Variants in GPR107 observed in about 807,000 individuals in gnomAD.
GPR107 encodes the protein G protein-coupled receptor 107.
A neutral mutation model predicts 75.5 loss-of-function variants in GPR107; 31 were observed. The observed-to-expected ratio is 0.41, with a 90% CI of 0.31 to 0.55. The LOEUF (loss-of-function observed/expected upper bound fraction) is 0.55, where lower values mean the gene tolerates loss of function less well. Ranked by LOEUF, GPR107 falls within the 20% of genes least tolerant of loss-of-function variation. The probability of loss-of-function intolerance (pLI) is 0.26; values close to 1 mark genes in which losing one functional copy is unlikely to be tolerated. For synonymous variants in GPR107, 267 were observed against 251.3 expected, an observed-to-expected ratio of 1.06 and a Z score of -0.59; for missense variants, 572 against 665.7, an observed-to-expected ratio of 0.86 and a Z score of 1.55.
intron 1 of GPR107, among the ~76,000 whole-genome samples, chr9:130,062,857 A>G (rs146931302): frequency 7.2e-5 from 11 of 152,080 alleles, no homozygotes; most frequent in African/African-American, 2.4e-4. Context: ...CCTAGTAGCT[A>G]GTACTACAGG....
At chr9:130,090,266 T>C (rs1326416516) in intron 7 of GPR107, among the ~76,000 whole-genome samples, 1 of 152,222 alleles carries the variant, frequency 6.6e-6, no homozygotes, top group Non-Finnish European at 1.5e-5. Flanking sequence ...TTTAAACTCA[T>C]GAAATGTATG....
intron 5 of GPR107, 54 bp downstream of exon 5, chr9:130,079,823 T>G: frequency 8.2e-7 from 1 of 1,219,602 alleles, no homozygotes; most frequent in South Asian, 1.5e-5. Flanking sequence ...CTTTGTAGCT[T>G]TTTTGTTCCT....
At chr9:130,055,720 G>A (rs1261475390) in intron 1 of GPR107, among the ~76,000 whole-genome samples, 4 of 151,922 alleles carry the variant, frequency 2.6e-5, no homozygotes, top group African/African-American at 9.7e-5. Flanking sequence ...CGAGGTGGGC[G>A]GATCACCTGA....
chr9:130,131,707 C>G (rs576764598), intron 17 of GPR107, among the ~76,000 whole-genome samples: 1 of 152,150 alleles, frequency 6.6e-6, no homozygotes, highest in African/African-American at 2.4e-5. Flanking sequence ...CACGGACATC[C>G]ACCCAGTCTC....
intron 12 of GPR107, among the ~76,000 whole-genome samples, chr9:130,102,241 T>C (rs10115235): frequency 0.32 from 47,993 of 152,018 alleles, 7,763 homozygotes; most frequent in Non-Finnish European, 0.38. Context: ...TGCCGGTCTT[T>C]CGGCTGTCGA....
chr9:130,060,503 T>A lies in GPR107; in HGVS notation c.141+6430T>A, dbSNP rs539151091. Among the ~76,000 whole-genome samples the A allele has an allele frequency of 4.9e-5, 7 of 142,298 alleles. No homozygotes were observed. The South Asian group carries it at 1.7e-3, about 34-fold the overall frequency. 93.4% of individuals were successfully genotyped at this position (142,298 alleles called of 152,430 possible). On this transcript the variant is annotated intron_variant, in intron 1 of 17. Coordinates refer to ENST00000347136, the MANE Select transcript of GPR107 (RefSeq NM_020960.5). ...AGTGCAAACATAGTGCACGATAGCC[T>A]CCAACTCCTGGGCTCAAGCCATCTT...
chr9:130,068,275 C>T (rs530872896), intron 1 of GPR107, among the ~76,000 whole-genome samples: 7 of 152,158 alleles, frequency 4.6e-5, no homozygotes, highest in Middle Eastern at 3.4e-3. Context: ...CACAGTGGCC[C>T]CTGCTCGTTG....
At chr9:130,099,269 G>A (rs1228762843) in intron 9 of GPR107, among the ~76,000 whole-genome samples, 188 bp from the exon 10 acceptor site, 1 of 151,502 alleles carries the variant, frequency 6.6e-6, no homozygotes, top group Admixed American at 6.6e-5. Flanking sequence ...GAGCCGTGAT[G>A]ACACCACTGT....
chr9:130,105,400 C>T (rs1589516120), intron 13 of GPR107, among the ~76,000 whole-genome samples: 1 of 151,960 alleles, frequency 6.6e-6, no homozygotes, highest in Admixed American at 6.6e-5. Flanking sequence ...ATTACAGGTG[C>T]GTGTCACCAT....
chr9:130,114,526 G>A, intron 14 of GPR107: 1 of 403,782 alleles, frequency 2.5e-6, no homozygotes, highest in Non-Finnish European at 4.9e-6. Flanking sequence ...GGAATTACAG[G>A]CATGCACTAC....
At chr9:130,104,359 C>T (rs758050748) in intron 12 of GPR107, 61 bp from the exon 13 acceptor site, 120 of 1,540,544 alleles carry the variant, frequency 7.8e-5, no homozygotes, top group Non-Finnish European at 1.0e-4. Context: ...CACATTGGGG[C>T]TGCTAGCATC....
Position 130,135,215 on chromosome 9 carries a change from T to G in GPR107, c.*94T>G. On this transcript the variant is annotated 3_prime_UTR_variant, in exon 18 of 18. Transcript: ENST00000347136. ...AGGAGCAGCTCCTACAGTGAACTAT[T>G]GGCACCACCGACAGTGACACCAGGG... The G allele has an allele frequency of 3.1e-6, 2 of 641,528 alleles. No individual in the cohort carries two copies. Among genetic ancestry groups the G allele is most frequent in the Middle Eastern group, 3.9e-4 (1 of 2,596 alleles). The allele number at this position is 641,528 out of a possible 1,614,324, so 39.7% of individuals were successfully genotyped here.
At chr9:130,096,942 A>G (rs917496699) in intron 9 of GPR107, among the ~76,000 whole-genome samples, 4 of 152,240 alleles carry the variant, frequency 2.6e-5, no homozygotes, top group East Asian at 1.9e-4. Context: ...ACTCCACAGC[A>G]TCCCATGCTC....
chr9:130,057,037 CAAGGAAATGGAAATCATTTG>C (rs1466618568), intron 1 of GPR107, among the ~76,000 whole-genome samples: 1 of 151,368 alleles, frequency 6.6e-6, no homozygotes, highest in Non-Finnish European at 1.5e-5. Context: ...AGTTCTTGCC[CAAGGAAATGGAAATCATTTG>C]AAGAGAGCCT....
intron 1 of GPR107, among the ~76,000 whole-genome samples, chr9:130,072,062 C>T (rs1830223145): frequency 6.6e-6 from 1 of 151,618 alleles, no homozygotes; most frequent in Admixed American, 6.6e-5. Flanking sequence ...GCCTCTGCCT[C>T]CTCGGTTCAA....
chr9:130,082,540 C>T (rs549438565), intron 5 of GPR107, among the ~76,000 whole-genome samples: 62 of 143,426 alleles, frequency 4.3e-4, no homozygotes, highest in Non-Finnish European at 5.6e-4. Flanking sequence ...AGTGCAGTGG[C>T]GCGATCTCGG....
At chr9:130,099,402 C>A in intron 9 of GPR107, 55 bp from the exon 10 acceptor site, 1 of 965,726 alleles carries the variant, frequency 1.0e-6, no homozygotes, top group Non-Finnish European at 1.7e-6. Context: ...GGAGCTTTGG[C>A]TGTCCTTTGG....
In GPR107 at chr9:130,099,868, CTTTTTTTTTTTTTTTTTTTTTTTTT is replaced by C. The variant is rs71387314; in HGVS notation, c.939+356_939+380del. Among the ~76,000 whole-genome samples the C allele has an allele frequency of 4.2e-3, 378 of 90,000 alleles. 4 individuals carry two copies. The highest frequency in any genetic ancestry group is 0.017 in the African/African-American group (364 of 21,444). 59.0% of individuals were successfully genotyped at this position (90,000 alleles called of 152,430 possible). A position where few individuals can be genotyped will look rare whatever the true frequency, so the allele number is the denominator to read the frequency against. ...GCCACCTGCTGACTTGTTTCCACGA[CTTTTTTTTTTTTTTTTTTTTTTTTT>C]TTTTTTTTTTTTTTTTTTTGAGACG... On this transcript the variant is annotated intron_variant, in intron 10 of 17. Coordinates refer to ENST00000347136, the MANE Select transcript of GPR107 (RefSeq NM_020960.5).
chr9:130,132,461 C>G (rs1024446363), intron 17 of GPR107, among the ~76,000 whole-genome samples: 40 of 152,308 alleles, frequency 2.6e-4, no homozygotes, highest in African/African-American at 8.7e-4. Context: ...CCCTGCCACT[C>G]TCCTTCCCAG....
Sources: allele counts gnomAD v4.1 joint callset (sites outside exome capture counted in the v4.1 genomes callset), GRCh38; gene constraint gnomAD v4.1.1; transcripts MANE v1.5; gene names NCBI Gene and HGNC (gene_info 2026-07-23, HGNC 2026-07-21).